USP54: variants seen among roughly 807,000 people sequenced by gnomAD.
USP54 encodes the protein ubiquitin carboxyl-terminal hydrolase 54.
USP54 carries 87 observed loss-of-function variants against 170.5 expected under a neutral mutation model. The ratio of observed to expected loss-of-function variants is 0.51; its 90% CI spans 0.43 to 0.61. USP54 has a LOEUF of 0.61. USP54 is among the 20% of genes least tolerant of loss of function. USP54 has a pLI of 0.00. For missense variants in USP54, 1,786 were observed against 2,047.8 expected (o/e 0.87, Z 2.47); for synonymous variants, 655 against 742.8 (o/e 0.88, Z 1.92).
At chr10:73,502,539 T>C (rs1002522796) in intron 22 of USP54, among the ~76,000 whole-genome samples, 1 of 151,802 alleles carries the variant, frequency 6.6e-6, no homozygotes, top group Non-Finnish European at 1.5e-5. Context: ...GGTCTCAATC[T>C]CCTGACCTTA....
chr10:73,507,075 T>G (rs757731390), intron 20 of USP54: 1 of 151,940 alleles, frequency 6.6e-6, no homozygotes, highest in East Asian at 1.9e-4. Context: ...ACTAGATGAT[T>G]TGAAGAAATT....
rs1322427360 is a variant in USP54 at position 73,534,584 on chromosome 10, C to T, written c.1315+16G>A. On this transcript the variant is annotated intron_variant, in intron 12 of 23. Transcript: ENST00000687698. ...AATTGATTCAGGCAAGCAGGACCCT[C>T]TGTATAAGTCCCTACCTGTGTCCCG... 6.2e-7 allele frequency: 1 copy of T among 1,610,792 alleles called. No homozygotes were observed. Among genetic ancestry groups the T allele is most frequent in the African/African-American group, 1.3e-5 (1 of 74,776 alleles).
At chr10:73,524,097 G>A (rs1395238858) in intron 16 of USP54, among the ~76,000 whole-genome samples, 3 of 149,420 alleles carry the variant, frequency 2.0e-5, no homozygotes, top group East Asian at 2.0e-4. Context: ...TAGTAGAGAC[G>A]GGGTTTCACC....
chr10:73,615,251 C>T (rs1021068264), intron 1 of USP54: 2 of 150,198 alleles, frequency 1.3e-5, no homozygotes, highest in African/African-American at 5.1e-5. Flanking sequence ...TGAGTATACT[C>T]AGGAGGCTGA....
Position 73,547,464 on chromosome 10 carries a change from G to A in USP54, c.241-1792C>T, listed in dbSNP as rs1270397533. 7.2e-5 allele frequency among the ~76,000 whole-genome samples: 11 copies of A among 152,210 alleles called. No individual in the cohort carries two copies. The East Asian group carries it at 1.2e-3, about 16-fold the overall frequency. ...AAAAGAACAAAGCTGGAGGCATCACGCTATCTGACTTCAAACTATACTACA... is the reference window on the plus strand; with the variant it reads ...AAAAGAACAAAGCTGGAGGCATCACACTATCTGACTTCAAACTATACTACA... On this transcript the variant is annotated intron_variant, in intron 4 of 23. Transcript: ENST00000687698.
At position 73,530,781 on chromosome 10, in the gene USP54, A is replaced by C. The variant is rs1470294829; in HGVS notation, c.1370T>G (p.Leu457Arg). Residue 457 changes from leucine to arginine, a missense_variant, in exon 13 of 24, where the codon CTG becomes CGG. By Grantham distance (102) the Leu-to-Arg change is moderately radical. Transcript: ENST00000687698. ...NQKHTSKKGS[L>R]IERKRSSGRV... is the part of the protein sequence containing the mutation. ...ACCAGAGCTCCTCTTGCGCTCTATC[A>C]GTGACCCTTTCTTGGATGTGTGTTT... 1.2e-6 allele frequency: 2 copies of C among 1,614,050 alleles called. No homozygotes were observed. Among genetic ancestry groups the C allele is most frequent in the Non-Finnish European group, 1.7e-6 (2 of 1,180,036 alleles).
At chr10:73,548,150 T>C (rs1374009522) in intron 4 of USP54, among the ~76,000 whole-genome samples, 1 of 152,196 alleles carries the variant, frequency 6.6e-6, no homozygotes, top group South Asian at 2.1e-4. Flanking sequence ...TCACTGGTCA[T>C]CAGAGAAATG....
intron 1 of USP54, among the ~76,000 whole-genome samples, chr10:73,579,773 C>G (rs909050265): frequency 6.6e-6 from 1 of 151,310 alleles, no homozygotes; most frequent in Non-Finnish European, 1.5e-5. Context: ...ACAACAACAA[C>G]AACAACAAAA....
At chr10:73,621,373 G>A (rs1490459476) in intron 1 of USP54, among the ~76,000 whole-genome samples, 4 of 146,790 alleles carry the variant, frequency 2.7e-5, no homozygotes, top group Middle Eastern at 3.4e-3. Context: ...AGGCCGAGAC[G>A]GGAAGATCAC....
intron 11 of USP54, among the ~76,000 whole-genome samples, chr10:73,535,744 A>AT (rs1211097462): frequency 6.6e-6 from 1 of 152,070 alleles, no homozygotes; most frequent in African/African-American, 2.4e-5. Context: ...GAGTCTTGCT[A>AT]TTTTGCCCAG....
upstream of USP54, among the ~76,000 whole-genome samples, chr10:73,596,216 G>C (rs1019732820): frequency 2.0e-5 from 3 of 150,406 alleles, no homozygotes; most frequent in Non-Finnish European, 4.4e-5. Context: ...GAGGTCAGGA[G>C]TTCAAGACCA....
At chr10:73,541,823 C>T in intron 7 of USP54, 85 bp from the exon 8 acceptor site, 1 of 1,377,996 alleles carries the variant, frequency 7.3e-7, no homozygotes, top group South Asian at 1.3e-5. Flanking sequence ...CTAACTCACA[C>T]ATTTGACTTT....
upstream of USP54, among the ~76,000 whole-genome samples, chr10:73,594,055 C>G (rs902191800): frequency 6.6e-6 from 1 of 151,916 alleles, no homozygotes; most frequent in Non-Finnish European, 1.5e-5. Flanking sequence ...AGTAGGAACA[C>G]GAGATTGGAA....
intron 22 of USP54, among the ~76,000 whole-genome samples, chr10:73,501,937 A>G (rs1329507043): frequency 1.3e-5 from 2 of 152,100 alleles, no homozygotes; most frequent in Non-Finnish European, 2.9e-5. Flanking sequence ...CCTCAAAAAA[A>G]CCACTATTAC....
chr10:73,503,255 G>C (rs2058494241), intron 22 of USP54, among the ~76,000 whole-genome samples: 1 of 152,136 alleles, frequency 6.6e-6, no homozygotes, highest in Non-Finnish European at 1.5e-5. Context: ...AGCCTTCCAT[G>C]ATACCTCAAG....
At chr10:73,569,365 C>T (rs1589179023) in intron 4 of USP54, among the ~76,000 whole-genome samples, 1 of 151,926 alleles carries the variant, frequency 6.6e-6, no homozygotes, top group Admixed American at 6.6e-5. Context: ...TTGGATGGAC[C>T]CCTGTCTAAA....
intron 1 of USP54, among the ~76,000 whole-genome samples, chr10:73,587,539 G>A (rs1056613110): frequency 2.0e-5 from 3 of 152,110 alleles, no homozygotes; most frequent in African/African-American, 7.2e-5. Flanking sequence ...GAGGTAACAT[G>A]CTTTTAGTGG....
intron 1 of USP54, among the ~76,000 whole-genome samples, chr10:73,600,644 G>A (rs1332447550): frequency 6.6e-6 from 1 of 152,138 alleles, no homozygotes; most frequent in Non-Finnish European, 1.5e-5. Flanking sequence ...CCAGGCGCAG[G>A]GGCTCGCGCC....
At chr10:73,499,554 A>G (rs1417944319) in intron 23 of USP54, 1 of 167,606 alleles carries the variant, frequency 6.0e-6, no homozygotes, top group African/African-American at 2.4e-5. Context: ...TAGAGCCACC[A>G]TACCAAAACC....
Sources: allele counts gnomAD v4.1 joint callset (sites outside exome capture counted in the v4.1 genomes callset), GRCh38; gene constraint gnomAD v4.1.1; transcripts MANE v1.5; gene names NCBI Gene and HGNC (gene_info 2026-07-23, HGNC 2026-07-21).